Variants in ZNF804A observed in about 807,000 individuals in gnomAD.
The protein encoded by ZNF804A is zinc finger protein 804A.
A neutral mutation model predicts 16.5 loss-of-function variants in ZNF804A; 2 were observed. The observed-to-expected ratio is 0.12, with a 90% confidence interval of 0.05 to 0.38. ZNF804A has a LOEUF of 0.38. ZNF804A is among the 10% of genes least tolerant of loss of function. ZNF804A has a pLI of 0.99. For synonymous variants in ZNF804A, 534 were observed against 489.6 expected (o/e 1.09, Z -1.20); for missense variants, 1,473 against 1,390.7 (o/e 1.06, Z -0.94).
At chr2:184,633,970 A>G (rs570586110) in intron 1 of ZNF804A, among the ~76,000 whole-genome samples, 1 of 152,164 alleles carries the variant, frequency 6.6e-6, no homozygotes, top group Non-Finnish European at 1.5e-5. Context: ...TATAGATACT[A>G]TCTTAGTATA....
chr2:184,915,376 T>G (rs906645607), intron 2 of ZNF804A, among the ~76,000 whole-genome samples: 7 of 152,120 alleles, frequency 4.6e-5, no homozygotes, highest in Non-Finnish European at 1.0e-4. Context: ...GAGCCATATC[T>G]CTTAACCATT....
At chr2:184,919,739 A>T (rs1220102173) in intron 2 of ZNF804A, among the ~76,000 whole-genome samples, 1 of 152,154 alleles carries the variant, frequency 6.6e-6, no homozygotes, top group Non-Finnish European at 1.5e-5. Flanking sequence ...CCTTCCAAAA[A>T]CAATGAACAA....
intron 2 of ZNF804A, among the ~76,000 whole-genome samples, chr2:184,918,561 G>A (rs1196239174): frequency 2.0e-5 from 3 of 152,024 alleles, no homozygotes; most frequent in African/African-American, 7.2e-5. Context: ...AACCCTGCCT[G>A]GTATTGCCAC....
intron 2 of ZNF804A, among the ~76,000 whole-genome samples, chr2:184,915,133 T>C (rs1159279468): frequency 6.6e-6 from 1 of 151,980 alleles, no homozygotes; most frequent in African/African-American, 2.4e-5. Flanking sequence ...GGAAATAACA[T>C]ATGGCAGAAA....
At chr2:184,798,460 T>A (rs1694671994) in intron 1 of ZNF804A, among the ~76,000 whole-genome samples, 1 of 152,024 alleles carries the variant, frequency 6.6e-6, no homozygotes, top group Non-Finnish European at 1.5e-5. Context: ...TTATCTTTGT[T>A]GGATTGGGTT....
In ZNF804A at chr2:184,936,711, T is replaced by G. The variant is rs1283482676; in HGVS notation, c.1315T>G (p.Trp439Gly). ...LNKHRSTVLQ[W>G]PSEMLVYTTT... ...CAAACACAGATCTACAGTTCTTCAG[T>G]GGCCATCAGAAATGCTGGTTTATAC... The change falls in exon 4 of 4, where the codon TGG becomes GGG. Residue 439 changes from tryptophan to glycine, a missense_variant. Coordinates refer to ENST00000302277, the MANE Select transcript of ZNF804A (RefSeq NM_194250.2). 1 of 1,613,592 alleles carries G rather than the reference T, an allele frequency of 6.2e-7. No individual in the cohort carries two copies. Among genetic ancestry groups the G allele is most frequent in the Non-Finnish European group, 8.5e-7 (1 of 1,179,870 alleles).
chr2:184,639,068 C>CTTTTTT (rs34389839), intron 1 of ZNF804A, among the ~76,000 whole-genome samples: 11 of 107,406 alleles, frequency 1.0e-4, no homozygotes, highest in Admixed American at 2.0e-4. Flanking sequence ...AAGCCCCCTC[C>CTTTTTT]TTTTTTTTTT....
At chr2:184,772,499 C>T (rs1212077017) in intron 1 of ZNF804A, among the ~76,000 whole-genome samples, 2 of 151,736 alleles carry the variant, frequency 1.3e-5, no homozygotes, top group Non-Finnish European at 2.9e-5. Context: ...ATTTTATTAG[C>T]TATGTATATA....
At chr2:184,643,459 T>C (rs901171998) in intron 1 of ZNF804A, among the ~76,000 whole-genome samples, 2 of 151,942 alleles carry the variant, frequency 1.3e-5, no homozygotes, top group African/African-American at 2.4e-5. Context: ...GATATACTCA[T>C]TGTAGTTACT....
At chr2:184,701,671 G>T (rs952623494) in intron 1 of ZNF804A, among the ~76,000 whole-genome samples, 2 of 151,682 alleles carry the variant, frequency 1.3e-5, no homozygotes, top group Non-Finnish European at 3.0e-5. Flanking sequence ...TAAAAATCAG[G>T]TTCTTTTTTT....
At position 184,739,877 on chromosome 2, in the gene ZNF804A, A is replaced by C. The variant is rs572732034; in HGVS notation, c.112-126492A>C. Among the ~76,000 whole-genome samples the C allele has an allele frequency of 5.9e-5, 9 of 152,322 alleles. No individual in the cohort carries two copies. The South Asian group carries it at 1.7e-3, about 28-fold the overall frequency. On this transcript the variant is annotated intron_variant, in intron 1 of 3. Transcript: ENST00000302277. ...AATATAATCAAATAATTGAAAACTG[A>C]CTATGATTAGAATCAGTGCAGACAT...
intron 1 of ZNF804A, among the ~76,000 whole-genome samples, chr2:184,640,347 A>C (rs1362501080): frequency 6.6e-6 from 1 of 152,074 alleles, no homozygotes; most frequent in Non-Finnish European, 1.5e-5. Context: ...ACTTTGACTT[A>C]GAGTTTCTTT....
intron 1 of ZNF804A, among the ~76,000 whole-genome samples, chr2:184,637,062 T>C (rs1229258821): frequency 1.3e-5 from 2 of 152,194 alleles, no homozygotes; most frequent in Non-Finnish European, 2.9e-5. Flanking sequence ...GTTTCAATAG[T>C]TTCTGAAATA....
intron 2 of ZNF804A, among the ~76,000 whole-genome samples, chr2:184,870,476 G>A (rs1695958373): frequency 6.6e-6 from 1 of 151,824 alleles, no homozygotes; most frequent in South Asian, 2.1e-4. Context: ...ATTAAAGGAG[G>A]AAATATCATG....
intron 1 of ZNF804A, among the ~76,000 whole-genome samples, chr2:184,859,138 A>G (rs1197768096): frequency 6.6e-6 from 1 of 152,034 alleles, no homozygotes; most frequent in Non-Finnish European, 1.5e-5. Context: ...TCCTGTACCT[A>G]GATATTTATA....
chr2:184,900,833 G>T (rs528809016), intron 2 of ZNF804A, among the ~76,000 whole-genome samples: 1 of 152,156 alleles, frequency 6.6e-6, no homozygotes, highest in African/African-American at 2.4e-5. Context: ...TCCCAAGGGG[G>T]GTAATACACA....
intron 2 of ZNF804A, among the ~76,000 whole-genome samples, chr2:184,920,706 G>A (rs1250927130): frequency 6.6e-6 from 1 of 152,162 alleles, no homozygotes; most frequent in Non-Finnish European, 1.5e-5. Flanking sequence ...TGATTTCAGT[G>A]GGTCTTATGA....
At chr2:184,635,021 A>T (rs370633844) in intron 1 of ZNF804A, among the ~76,000 whole-genome samples, 2 of 152,184 alleles carry the variant, frequency 1.3e-5, no homozygotes, top group African/African-American at 2.4e-5. Context: ...CTTTCCTTGC[A>T]TTAAAGAGTG....
intron 1 of ZNF804A, among the ~76,000 whole-genome samples, chr2:184,776,384 C>T (rs1239327693): frequency 6.6e-6 from 1 of 151,350 alleles, no homozygotes; most frequent in Non-Finnish European, 1.5e-5. Flanking sequence ...AAAAAATCTA[C>T]TATAAATTTT....
Sources: gnomAD v4.1 joint callset for allele counts (sites outside exome capture counted in the v4.1 genomes callset) on GRCh38, gnomAD v4.1.1 for gene constraint, MANE v1.5 for transcripts, NCBI Gene and HGNC (gene_info 2026-07-23, HGNC 2026-07-21) for gene names.